Variants in COL14A1 observed in about 807,000 individuals in gnomAD.
The protein encoded by COL14A1 is collagen type XIV alpha 1 chain.
COL14A1 carries 136 observed loss-of-function variants against 230.3 expected under a neutral mutation model. The ratio of observed to expected loss-of-function variants is 0.59; its 90% confidence interval spans 0.51 to 0.68. The LOEUF (loss-of-function observed/expected upper bound fraction) is 0.68, where lower values mean the gene tolerates loss of function less well. Among genes scored for constraint, COL14A1 ranks in the 30% least tolerant of loss-of-function variants. The probability of loss-of-function intolerance (pLI) is 0.00; values close to 1 mark genes in which losing one functional copy is unlikely to be tolerated. For synonymous variants in COL14A1, 792 were observed against 784.1 expected (o/e 1.01, Z -0.17); for missense variants, 1,976 against 2,215.8 (o/e 0.89, Z 2.17).
chr8:120,167,698 A>G (rs1432769410), intron 4 of COL14A1, among the ~76,000 whole-genome samples: 1 of 152,092 alleles, frequency 6.6e-6, no homozygotes, highest in Admixed American at 6.6e-5. Flanking sequence ...TTGCTGTTGG[A>G]GCAATTCCAA....
Position 120,197,798 on chromosome 8 carries a change from T to C in COL14A1, c.593-13T>C, listed in dbSNP as rs780039885. On this transcript the variant is annotated splice_polypyrimidine_tract_variant and intron_variant, in intron 6 of 47. Coordinates refer to ENST00000297848, the MANE Select transcript of COL14A1 (RefSeq NM_021110.4). ...CCATTATTCCTGGTGCGTTTCCTAA[T>C]CTTTTTTTCCAGGTCTTGCACAGTA... 4 of 1,598,780 alleles carry C rather than the reference T, an allele frequency of 2.5e-6. No homozygotes were observed. The highest frequency in any genetic ancestry group is 3.4e-6 in the Non-Finnish European group (4 of 1,170,728).
intron 5 of COL14A1, among the ~76,000 whole-genome samples, chr8:120,180,595 T>C (rs1312747342): frequency 6.6e-6 from 1 of 152,168 alleles, no homozygotes; most frequent in African/African-American, 2.4e-5. Flanking sequence ...CTGGGATGGC[T>C]TTATTTCTTG....
intron 1 of COL14A1, among the ~76,000 whole-genome samples, chr8:120,138,829 T>A (rs1012332786): frequency 2.6e-5 from 4 of 152,206 alleles, no homozygotes; most frequent in Admixed American, 2.6e-4. Flanking sequence ...CTTTTGTTGT[T>A]GTTTTTTTGG....
At chr8:120,166,913 TGTGTGTGTG>T (rs1400416571) in intron 4 of COL14A1, among the ~76,000 whole-genome samples, 96 of 148,556 alleles carry the variant, frequency 6.5e-4, no homozygotes, top group African/African-American at 2.2e-3. Context: ...TGTGTGTGTG[TGTGTGTGTG>T]GTGGTGATGA....
chr8:120,184,048 C>T (rs1274450189), intron 5 of COL14A1, among the ~76,000 whole-genome samples: 1 of 152,052 alleles, frequency 6.6e-6, no homozygotes, highest in Non-Finnish European at 1.5e-5. Flanking sequence ...ATGGGAAGAA[C>T]ATCTACCTCA....
At chr8:120,335,629 A>C (rs1822034738) in intron 42 of COL14A1, among the ~76,000 whole-genome samples, 1 of 152,206 alleles carries the variant, frequency 6.6e-6, no homozygotes, top group Non-Finnish European at 1.5e-5. Flanking sequence ...AAAGGGACCA[A>C]GAGGGACAGG....
intron 45 of COL14A1, among the ~76,000 whole-genome samples, chr8:120,358,124 CATT>C (rs1419265102): frequency 1.3e-5 from 2 of 152,108 alleles, no homozygotes; most frequent in Non-Finnish European, 2.9e-5. Flanking sequence ...AAGCTAATAT[CATT>C]GTTTCTGTAG....
intron 14 of COL14A1, among the ~76,000 whole-genome samples, chr8:120,219,789 G>A (rs377590210): frequency 6.6e-6 from 1 of 152,048 alleles, no homozygotes; most frequent in Non-Finnish European, 1.5e-5. Context: ...ATGTTTGGGG[G>A]TTTTTTTGGT....
chr8:120,345,495 A>C lies in COL14A1; in HGVS notation c.5009A>C (p.Glu1670Ala). The C allele has an allele frequency of 1.2e-6, 2 of 1,604,738 alleles. No homozygotes were observed. Among genetic ancestry groups the C allele is most frequent in the Non-Finnish European group, 1.7e-6 (2 of 1,175,814 alleles). The change falls in exon 45 of 48, where the codon GAA becomes GCA. Residue 1670 changes from glutamate to alanine, a missense_variant. By Grantham distance (107) the Glu-to-Ala change is moderately radical. Transcript: ENST00000297848. ...GRPGSPGAPG[E>A]QGPPGTPGFP... Reference sequence around the variant, plus strand: ...CCAGGCTCACCTGGAGCCCCTGGTGAACAAGGACCCCCAGGCACACCAGGC... The same window carrying C: ...CCAGGCTCACCTGGAGCCCCTGGTGCACAAGGACCCCCAGGCACACCAGGC...
intron 38 of COL14A1, among the ~76,000 whole-genome samples, chr8:120,314,511 T>A (rs1310724748): frequency 6.6e-6 from 1 of 152,220 alleles, no homozygotes; most frequent in Non-Finnish European, 1.5e-5. Flanking sequence ...TTTATATAGC[T>A]GCATTTCTTT....
intron 35 of COL14A1, among the ~76,000 whole-genome samples, chr8:120,298,240 C>T (rs917657594): frequency 6.6e-6 from 1 of 151,870 alleles, no homozygotes; most frequent in African/African-American, 2.4e-5. Flanking sequence ...AAACTGCAGA[C>T]TACCTTGAGC....
intron 42 of COL14A1, among the ~76,000 whole-genome samples, chr8:120,337,401 T>TA (rs60418574): frequency 4.0e-4 from 52 of 129,470 alleles, no homozygotes; most frequent in Non-Finnish European, 5.2e-4. Flanking sequence ...GTCTCAAAAT[T>TA]AAAAAAAAAA....
chr8:120,321,001 A>G (rs1359982067), intron 40 of COL14A1, among the ~76,000 whole-genome samples: 1 of 152,220 alleles, frequency 6.6e-6, no homozygotes, highest in East Asian at 1.9e-4. Flanking sequence ...TAAGTGTTAG[A>G]GCCAGGATTT....
At chr8:120,230,049 C>A (rs1045441545) in intron 18 of COL14A1, among the ~76,000 whole-genome samples, 1 of 151,980 alleles carries the variant, frequency 6.6e-6, no homozygotes, top group African/African-American at 2.4e-5. Context: ...CCTGGCTAAT[C>A]GTTTTGAATT....
In COL14A1 at chr8:120,244,029, T is replaced by G. The variant is rs373797457; in HGVS notation, c.2479+21T>G. 5 of 1,607,162 alleles carry G rather than the reference T, an allele frequency of 3.1e-6. No individual in the cohort carries two copies. The African/African-American group carries it at 6.7e-5, about 22-fold the overall frequency. On this transcript the variant is annotated intron_variant, in intron 20 of 47. Transcript: ENST00000297848. ...AACCTGTAAGTGAAGCTTTCTCCCT[T>G]TGAATACAAGCCGACTCATTAAATG...
chr8:120,196,731 G>T (rs1563665516), intron 5 of COL14A1, 60 bp from the exon 6 acceptor site: 1 of 1,547,628 alleles, frequency 6.5e-7, no homozygotes, highest in Non-Finnish European at 8.8e-7. Context: ...CATTAAGATG[G>T]ACTGTTTTTG....
intron 34 of COL14A1, among the ~76,000 whole-genome samples, chr8:120,294,845 C>A (rs900305447): frequency 2.0e-5 from 3 of 151,678 alleles, no homozygotes; most frequent in African/African-American, 7.3e-5. Context: ...AAAGTCAGCC[C>A]ACGTAACATT....
intron 3 of COL14A1, among the ~76,000 whole-genome samples, chr8:120,161,260 T>G (rs960646403): frequency 6.6e-6 from 1 of 152,236 alleles, no homozygotes; most frequent in Non-Finnish European, 1.5e-5. Context: ...GTTTGATTAA[T>G]TCAGCAAATT....
intron 19 of COL14A1, among the ~76,000 whole-genome samples, chr8:120,234,697 T>C (rs1054346137): frequency 2.6e-5 from 4 of 152,156 alleles, no homozygotes; most frequent in African/African-American, 9.7e-5. Flanking sequence ...TTTTAATGTG[T>C]TGCTGAATTC....
Sources: allele counts gnomAD v4.1 joint callset (sites outside exome capture counted in the v4.1 genomes callset), GRCh38; gene constraint gnomAD v4.1.1; transcripts MANE v1.5; gene names NCBI Gene and HGNC (gene_info 2026-07-23, HGNC 2026-07-21).